Variants in CLEC16A observed in about 807,000 individuals in gnomAD.
CLEC16A encodes the protein protein CLEC16A.
CLEC16A carries 51 observed loss-of-function variants against 109.5 expected under a neutral mutation model. The ratio of observed to expected loss-of-function variants is 0.47; its 90% confidence interval spans 0.37 to 0.59. The LOEUF is 0.59. CLEC16A is among the 20% of genes least tolerant of loss of function. The pLI, the probability that CLEC16A is intolerant of heterozygous loss-of-function variation, is 0.00. For synonymous variants in CLEC16A, 673 were observed against 564.2 expected (o/e 1.19, Z -2.73); for missense variants, 1,339 against 1,394.0 (o/e 0.96, Z 0.63).
intron 17 of CLEC16A, 94 bp from the exon 18 acceptor site, chr16:11,051,419 G>A (rs1273961924): frequency 2.1e-5 from 27 of 1,266,958 alleles, no homozygotes; most frequent in Non-Finnish European, 2.9e-5. Flanking sequence ...TACTAAATGC[G>A]GTTGAAGGCG....
At chr16:11,070,891 C>T (rs576256761) in intron 19 of CLEC16A, 10 of 152,388 alleles carry the variant, frequency 6.6e-5, no homozygotes, top group South Asian at 6.2e-4. Flanking sequence ...ACACGAAAAC[C>T]GTACCCCAAA....
rs551937352 is a variant in CLEC16A, at chr16:11,157,345, C to T, written c.2642-9043C>T. ...CAGGTGCCTGATGTGTAGACCTGCG[C>T]CCTGGGCTGGACAGGAAGTGGCTTC... On this transcript the variant is annotated intron_variant, in intron 22 of 23. Coordinates refer to ENST00000409790, the MANE Select transcript of CLEC16A (RefSeq NM_015226.3). 30 of 625,988 alleles carry T rather than the reference C, an allele frequency of 4.8e-5. No homozygotes were observed. The East Asian group carries it at 1.4e-3, about 30-fold the overall frequency. 38.8% of individuals were successfully genotyped at this position (625,988 alleles called of 1,614,324 possible).
At chr16:10,984,920 C>T (rs375418862) in intron 10 of CLEC16A, among the ~76,000 whole-genome samples, 1 of 152,002 alleles carries the variant, frequency 6.6e-6, no homozygotes. Context: ...ATAAAGTGCC[C>T]GCTGGGCACG....
At chr16:11,040,321 G>C (rs944164996) in intron 14 of CLEC16A, 1 of 166,362 alleles carries the variant, frequency 6.0e-6, no homozygotes, top group Non-Finnish European at 1.3e-5. Flanking sequence ...TATGGAAACA[G>C]GTAGGAGTGA....
At chr16:11,065,566 T>A (rs994621130) in intron 19 of CLEC16A, among the ~76,000 whole-genome samples, 4 of 152,186 alleles carry the variant, frequency 2.6e-5, no homozygotes, top group Non-Finnish European at 5.9e-5. Flanking sequence ...GTGTTTCCAG[T>A]TGTGGAGGGA....
intron 11 of CLEC16A, among the ~76,000 whole-genome samples, chr16:11,012,870 AT>A (rs1372486971): frequency 2.6e-5 from 4 of 152,076 alleles, no homozygotes; most frequent in Non-Finnish European, 5.9e-5. Context: ...ATGAATTGTT[AT>A]TTGACAATCA....
chr16:11,023,248 G>C (rs1445780730), intron 12 of CLEC16A, among the ~76,000 whole-genome samples: 1 of 151,628 alleles, frequency 6.6e-6, no homozygotes, highest in Non-Finnish European at 1.5e-5. Flanking sequence ...ATTCTACCCT[G>C]CGTAAACAAA....
chr16:11,080,868 C>T (rs755333611), intron 19 of CLEC16A, among the ~76,000 whole-genome samples: 28 of 152,324 alleles, frequency 1.8e-4, no homozygotes, highest in South Asian at 8.3e-4. Context: ...AAGATAAGCT[C>T]CCCCAGCTCA....
At position 10,971,204 on chromosome 16, in the gene CLEC16A, G is replaced by C. The variant is rs1207522294; in HGVS notation, c.572G>C (p.Arg191Thr). The change falls in exon 5 of 24, where the codon AGA becomes ACA. Residue 191 changes from arginine to threonine, a missense_variant. By Grantham distance (71) the Arg-to-Thr change is moderately conservative. Coordinates refer to ENST00000409790, the MANE Select transcript of CLEC16A (RefSeq NM_015226.3). ...GAAAGCATGGTTAGAATTGCTGTAA[G>C]AACCATAACTTTGAATGTCTATAAA... ...HPESMVRIAV[R>T]TITLNVYKVS... 6.2e-7 allele frequency: 1 copy of C among 1,613,112 alleles called. No individual in the cohort carries two copies. Among genetic ancestry groups the C allele is most frequent in the Non-Finnish European group, 8.5e-7 (1 of 1,179,310 alleles).
At chr16:11,131,209 G>T (rs978941050) in intron 22 of CLEC16A, among the ~76,000 whole-genome samples, 3 of 152,218 alleles carry the variant, frequency 2.0e-5, no homozygotes, top group Non-Finnish European at 1.5e-5. Context: ...TGAGCACTCT[G>T]TGGCTTTGAG....
chr16:10,999,489 G>A (rs1009695234), intron 10 of CLEC16A, among the ~76,000 whole-genome samples: 1 of 152,174 alleles, frequency 6.6e-6, no homozygotes, highest in Non-Finnish European at 1.5e-5. Flanking sequence ...TCCTGGTGCT[G>A]AGTCTGCATC....
chr16:11,178,324 C>T lies in CLEC16A; in HGVS notation c.2807-11C>T, dbSNP rs72650690. 76 of 1,596,236 alleles carry T rather than the reference C, an allele frequency of 4.8e-5. No individual in the cohort carries two copies. The Middle Eastern group carries it at 2.0e-3, about 42-fold the overall frequency. On this transcript the variant is annotated splice_polypyrimidine_tract_variant and intron_variant, in intron 23 of 23. Coordinates refer to ENST00000409790, the MANE Select transcript of CLEC16A (RefSeq NM_015226.3). This position sits in a 1 kb window ranked among gnomAD's most constrained non-coding sequence, Gnocchi z 6.5. ...GCTCAGTGTGTTTCCGGTTTTTCTC[C>T]CCCAATCCAGATGCCCCCATGAGTC...
At chr16:11,130,416 G>A (rs948713606) in intron 22 of CLEC16A, among the ~76,000 whole-genome samples, 1 of 152,204 alleles carries the variant, frequency 6.6e-6, no homozygotes, top group Non-Finnish European at 1.5e-5. Flanking sequence ...AAGACCTTAA[G>A]CAGCATCCCT....
At chr16:11,139,351 AC>A (rs2053716826) in intron 22 of CLEC16A, among the ~76,000 whole-genome samples, 1 of 152,078 alleles carries the variant, frequency 6.6e-6, no homozygotes, top group African/African-American at 2.4e-5. Flanking sequence ...TCTCTCTATA[AC>A]CAGAATCCCA....
intron 4 of CLEC16A, among the ~76,000 whole-genome samples, chr16:10,970,375 T>G (rs1258949249): frequency 6.6e-6 from 1 of 152,198 alleles, no homozygotes; most frequent in African/African-American, 2.4e-5. Context: ...GAGTACTTCT[T>G]AGGTGTCAGG....
intron 11 of CLEC16A, among the ~76,000 whole-genome samples, chr16:11,010,378 A>G (rs760517391): frequency 2.6e-5 from 4 of 152,070 alleles, no homozygotes; most frequent in African/African-American, 4.8e-5. Flanking sequence ...GTTGCTTTCT[A>G]TTTATACTGG....
rs115671993 is a variant in CLEC16A at position 11,072,868 on chromosome 16, G to T, written c.2116+11846G>T. Among the ~76,000 whole-genome samples, 648 of 152,324 alleles carry T rather than the reference G, an allele frequency of 4.3e-3. 7 individuals carry two copies. Among genetic ancestry groups the T allele is most frequent in the African/African-American group, 0.015 (622 of 41,564 alleles). Reference sequence around the variant, plus strand: ...AAAGCACAGCCTCGTGACTGCTTCTGTCCAGGGGACACATTGAAAAGCAGA... The same window carrying T: ...AAAGCACAGCCTCGTGACTGCTTCTTTCCAGGGGACACATTGAAAAGCAGA... On this transcript the variant is annotated intron_variant, in intron 19 of 23. Transcript: ENST00000409790.
intron 3 of CLEC16A, among the ~76,000 whole-genome samples, chr16:10,963,925 G>A (rs1193131684): frequency 4.6e-5 from 7 of 152,236 alleles, no homozygotes; most frequent in African/African-American, 1.4e-4. Flanking sequence ...ATTGTCCCCA[G>A]TGCCGAGGCT....
chr16:10,961,782 T>C lies in CLEC16A; in HGVS notation c.210-673T>C, dbSNP rs1050918120. On this transcript the variant is annotated intron_variant, in intron 2 of 23. Transcript: ENST00000409790. The surrounding 1 kb of genome is among the most constrained non-coding windows in gnomAD (Gnocchi z 4.3). ...GTCATATCTCCCCAGCCTCCTCTGT[T>C]CCGTGACTCTTTTTTAGTCTTCTGT... is the stretch of plus-strand genomic sequence containing the variant. Among the ~76,000 whole-genome samples the C allele has an allele frequency of 1.3e-5, 2 of 152,134 alleles. No individual in the cohort carries two copies. The highest frequency in any genetic ancestry group is 2.4e-5 in the African/African-American group (1 of 41,422).
Sources: gnomAD v4.1 joint callset for allele counts (sites outside exome capture counted in the v4.1 genomes callset) on GRCh38, gnomAD v4.1.1 for gene constraint, Gnocchi (gnomAD v3.1) non-coding constraint, MANE v1.5 for transcripts, NCBI Gene and HGNC (gene_info 2026-07-23, HGNC 2026-07-21) for gene names.